The following PCDH15 variants were observed in gnomAD, a reference collection of about 807,000 sequenced individuals.
The protein encoded by PCDH15 is protocadherin related 15, also known as protocadherin-15.
In PCDH15, 129 loss-of-function variants were observed where a neutral mutation model predicts 178.5. That is an observed-to-expected ratio of 0.72 (90% confidence interval 0.63 to 0.84). The LOEUF (loss-of-function observed/expected upper bound fraction) is 0.84. PCDH15 is among the 40% of genes least tolerant of loss of function. PCDH15 has a pLI of 0.00. For missense variants in PCDH15, 2,230 were observed against 2,099.9 expected (o/e 1.06, Z -1.21); for synonymous variants, 800 against 732.0 (o/e 1.09, Z -1.50).
intron 1 of PCDH15, among the ~76,000 whole-genome samples, chr10:54,678,143 C>A (rs1318185591): frequency 1.3e-5 from 2 of 152,088 alleles, no homozygotes; most frequent in African/African-American, 4.8e-5. Context: ...TACAAAGTAA[C>A]ATATATAAAT....
chr10:54,137,705 A>G (rs2043020653), intron 14 of PCDH15, among the ~76,000 whole-genome samples: 1 of 152,188 alleles, frequency 6.6e-6, no homozygotes, highest in African/African-American at 2.4e-5. Flanking sequence ...GTAGTCAGTC[A>G]GTGAGTTGGA....
rs1330085057 is a variant in PCDH15, at chr10:55,110,910, T to C, written c.-80+55666A>G. 2.0e-5 allele frequency among the ~76,000 whole-genome samples: 3 copies of C among 152,130 alleles called. No homozygotes were observed. In the East Asian group the frequency reaches 5.8e-4, roughly 29 times the overall value. On this transcript the variant is annotated intron_variant, in intron 2 of 5. Transcript: ENST00000458638. ...AGGCATTGACTTATTTTATATTTAT[T>C]TACTTCTTATTTTTTAACTAGTATA...
At chr10:54,091,223 C>T (rs1436000013) in intron 15 of PCDH15, among the ~76,000 whole-genome samples, 2 of 152,126 alleles carry the variant, frequency 1.3e-5, no homozygotes, top group African/African-American at 4.8e-5. Context: ...GAATGATCTG[C>T]CTAAGCATGA....
At chr10:55,399,300 T>A (rs2132022903) in intron 2 of PCDH15, among the ~76,000 whole-genome samples, 1 of 152,276 alleles carries the variant, frequency 6.6e-6, no homozygotes, top group South Asian at 2.1e-4. Flanking sequence ...ACATTTAAAA[T>A]ATTTATTTTA....
At chr10:55,214,944 A>G (rs1840663846) in intron 1 of PCDH15, among the ~76,000 whole-genome samples, 1 of 152,120 alleles carries the variant, frequency 6.6e-6, no homozygotes, top group Non-Finnish European at 1.5e-5. Context: ...ATGCTCAGGT[A>G]AGCTTGAATT....
At chr10:55,611,565 T>C (rs1843364768) in intron 2 of PCDH15, among the ~76,000 whole-genome samples, 3 of 152,000 alleles carry the variant, frequency 2.0e-5, no homozygotes. Context: ...GAATGTAAAT[T>C]AGTGCAGCCA....
chr10:55,625,235 T>C (rs1456832053), intron 2 of PCDH15, among the ~76,000 whole-genome samples: 1 of 152,024 alleles, frequency 6.6e-6, no homozygotes, highest in African/African-American at 2.4e-5. Context: ...AGGCTGCAAA[T>C]ATACAAATGA....
At chr10:54,190,172 T>G (rs945445750) in intron 11 of PCDH15, among the ~76,000 whole-genome samples, 1 of 152,072 alleles carries the variant, frequency 6.6e-6, no homozygotes, top group Non-Finnish European at 1.5e-5. Context: ...ACAACTTAAA[T>G]TTTACGCAAA....
intron 2 of PCDH15, among the ~76,000 whole-genome samples, chr10:54,550,778 G>A (rs1486281994): frequency 1.3e-5 from 2 of 152,024 alleles, no homozygotes; most frequent in Non-Finnish European, 2.9e-5. Flanking sequence ...TTAATGCTAG[G>A]TGAATCCACA....
intron 26 of PCDH15, among the ~76,000 whole-genome samples, chr10:53,894,417 T>A (rs887101222): frequency 1.3e-5 from 2 of 152,106 alleles, no homozygotes; most frequent in African/African-American, 4.8e-5. Flanking sequence ...AGGAAACCAG[T>A]GATTAGTAAG....
At chr10:54,809,435 T>G (rs2384578) in intron 3 of PCDH15, among the ~76,000 whole-genome samples, 3 of 151,918 alleles carry the variant, frequency 2.0e-5, no homozygotes, top group African/African-American at 7.3e-5. Flanking sequence ...AATGCTTCAA[T>G]TTTTAGCATT....
intron 2 of PCDH15, among the ~76,000 whole-genome samples, chr10:55,343,460 C>T (rs1844659185): frequency 6.6e-6 from 1 of 152,058 alleles, no homozygotes; most frequent in African/African-American, 2.4e-5. Flanking sequence ...TCTCTCTTTA[C>T]TCAGGCTTCT....
At chr10:54,275,631 C>A (rs1430131653) in intron 8 of PCDH15, among the ~76,000 whole-genome samples, 1 of 151,662 alleles carries the variant, frequency 6.6e-6, no homozygotes, top group African/African-American at 2.4e-5. Context: ...GTCATTACAA[C>A]CAAAATACTA....
In PCDH15 at chr10:54,941,773, T is replaced by C. The variant is rs948895032; in HGVS notation, c.-79-44273A>G. 4.6e-5 allele frequency among the ~76,000 whole-genome samples: 7 copies of C among 152,090 alleles called. No individual in the cohort carries two copies. In the East Asian group the frequency reaches 1.3e-3, roughly 29 times the overall value. Reference sequence around the variant, plus strand: ...ATATTTGTTATGTTCTTGTTTATAGTTTTTACTAACTTGGTTTGACTACTT... The same window carrying C: ...ATATTTGTTATGTTCTTGTTTATAGCTTTTACTAACTTGGTTTGACTACTT... On this transcript the variant is annotated intron_variant, in intron 2 of 5. Transcript: ENST00000458638.
At chr10:55,016,490 T>C (rs1840182902) in intron 2 of PCDH15, among the ~76,000 whole-genome samples, 1 of 152,154 alleles carries the variant, frequency 6.6e-6, no homozygotes, top group South Asian at 2.1e-4. Flanking sequence ...CTCCCACAAA[T>C]GAGTGAGAAC....
chr10:54,728,505 A>G (rs941478863), intron 1 of PCDH15, among the ~76,000 whole-genome samples: 3 of 151,366 alleles, frequency 2.0e-5, no homozygotes, highest in Non-Finnish European at 3.0e-5. Flanking sequence ...ACATGCTGGA[A>G]GAATTCTTCT....
chr10:54,016,677 C>A (rs182239491), intron 20 of PCDH15, among the ~76,000 whole-genome samples: 1 of 152,048 alleles, frequency 6.6e-6, no homozygotes, highest in African/African-American at 2.4e-5. Context: ...TGAAGGTAAA[C>A]GTTGAGTACA....
intron 9 of PCDH15, among the ~76,000 whole-genome samples, chr10:54,225,898 C>T (rs893188188): frequency 6.6e-6 from 1 of 152,126 alleles, no homozygotes; most frequent in Non-Finnish European, 1.5e-5. Context: ...TAGGGACAAG[C>T]AAGGAATCTT....
chr10:54,648,750 T>TTGAA (rs939206682), intron 2 of PCDH15, among the ~76,000 whole-genome samples: 1 of 152,162 alleles, frequency 6.6e-6, no homozygotes, highest in African/African-American at 2.4e-5. Context: ...CTTGCTATAC[T>TTGAA]TGAATGAATG....
Sources: gnomAD v4.1 joint callset for allele counts (sites outside exome capture counted in the v4.1 genomes callset) on GRCh38, gnomAD v4.1.1 for gene constraint, MANE v1.5 for transcripts, NCBI Gene and HGNC (gene_info 2026-07-23, HGNC 2026-07-21) for gene names.